EFCAB8: variants seen among roughly 807,000 people sequenced by gnomAD.
The protein encoded by EFCAB8 is EF-hand calcium binding domain 8.
Under a neutral mutation model 116.3 loss-of-function variants are expected in EFCAB8, and 100 were observed. That is an observed-to-expected ratio of 0.86 (90% CI 0.73 to 1.02). EFCAB8 has a LOEUF of 1.02. Among genes scored for constraint, EFCAB8 ranks in the 50% least tolerant of loss-of-function variants. The probability of loss-of-function intolerance (pLI) is 0.00; values close to 1 mark genes in which losing one functional copy is unlikely to be tolerated. For missense variants in EFCAB8, 1,320 were observed against 1,416.9 expected (o/e 0.93, Z 1.10); for synonymous variants, 558 against 567.9 (o/e 0.98, Z 0.25).
rs779477765 is a variant in EFCAB8 at position 32,904,900 on chromosome 20, T to TA, written c.1089-1661dup. The stretch of plus-strand genomic sequence containing the variant: ...CCTTGGTCTCCCAAAGTGCTGGGAT[T>TA]ACAGGCGTGAGCTACTGTGCCTGGC... On this transcript the variant is annotated intron_variant, in intron 11 of 26. Coordinates refer to ENST00000400522, the MANE Select transcript of EFCAB8 (RefSeq NM_001143967.2). Among the ~76,000 whole-genome samples the TA allele has an allele frequency of 3.4e-4, 51 of 152,228 alleles. 1 individual carries two copies. The highest frequency in any genetic ancestry group is 6.8e-4 in the Non-Finnish European group (46 of 68,038).
At chr20:32,872,402 G>T (rs917986554) in intron 3 of EFCAB8, among the ~76,000 whole-genome samples, 5 of 152,152 alleles carry the variant, frequency 3.3e-5, no homozygotes, top group African/African-American at 1.2e-4. Flanking sequence ...ACCAATGTTT[G>T]TTGAAGCCAG....
At chr20:32,887,479 G>A (rs1215248469) in intron 6 of EFCAB8, among the ~76,000 whole-genome samples, 3 of 152,212 alleles carry the variant, frequency 2.0e-5, no homozygotes, top group African/African-American at 7.2e-5. Context: ...GGGAGGCTGA[G>A]GCACGAGAAT....
intron 20 of EFCAB8, among the ~76,000 whole-genome samples, chr20:32,921,824 C>A (rs1987473624): frequency 7.0e-6 from 1 of 142,850 alleles, no homozygotes; most frequent in African/African-American, 2.6e-5. Context: ...TCTTTTGTTA[C>A]CTTATTCTTT....
intron 9 of EFCAB8, 65 bp downstream of exon 9, chr20:32,893,363 A>G: frequency 2.6e-6 from 4 of 1,540,038 alleles, no homozygotes; most frequent in Middle Eastern, 2.0e-4. Flanking sequence ...TGCTGAGGTC[A>G]TCCTGGTCCC....
chr20:32,878,701 C>G lies in EFCAB8; in HGVS notation c.328-3C>G. The G allele has an allele frequency of 1.3e-6, 2 of 1,551,360 alleles. No individual in the cohort carries two copies. Among genetic ancestry groups the G allele is most frequent in the Non-Finnish European group, 1.7e-6 (2 of 1,146,704 alleles). On this transcript the variant is annotated splice_region_variant and splice_polypyrimidine_tract_variant and intron_variant, in intron 4 of 26. Coordinates refer to ENST00000400522, the MANE Select transcript of EFCAB8 (RefSeq NM_001143967.2). ...GCCTCCCTTGTGCTTTCTTTCGAGG[C>G]AGCAAAAGTATGTGGATTACATGAT... is the stretch of plus-strand genomic sequence containing the variant.
intron 13 of EFCAB8, among the ~76,000 whole-genome samples, chr20:32,907,476 G>A (rs533841643): frequency 9.8e-5 from 15 of 152,330 alleles, no homozygotes; most frequent in South Asian, 2.1e-4. Context: ...CTTGGGACCC[G>A]CCACTGTGCT....
In EFCAB8 at chr20:32,957,319, A is replaced by T. The variant is rs529208079; in HGVS notation, c.2960-1102A>T. ...CATGTCATATATACAAAATAAAATT[A>T]AAAAAAAAAAACCCAAAACTTTTCT... On this transcript the variant is annotated intron_variant, in intron 23 of 26. Transcript: ENST00000400522. Among the ~76,000 whole-genome samples the T allele has an allele frequency of 2.3e-3, 295 of 127,362 alleles. 1 individual carries two copies. The highest frequency in any genetic ancestry group is 0.011 in the African/African-American group (271 of 23,866). The allele number at this position is 127,362 out of a possible 152,430, so 83.6% of individuals were successfully genotyped here.
intron 20 of EFCAB8, among the ~76,000 whole-genome samples, chr20:32,925,960 G>T (rs1273925587): frequency 5.9e-5 from 9 of 152,326 alleles, no homozygotes; most frequent in Admixed American, 3.9e-4. Context: ...TTGGTTACCT[G>T]TCCCTCGCAG....
intron 23 of EFCAB8, among the ~76,000 whole-genome samples, chr20:32,948,708 G>A (rs966634958): frequency 1.3e-5 from 2 of 151,944 alleles, no homozygotes; most frequent in African/African-American, 4.8e-5. Context: ...GATATACAAG[G>A]TTGGTTTAAT....
intron 23 of EFCAB8, among the ~76,000 whole-genome samples, chr20:32,948,254 GAAAC>G (rs1988669027): frequency 6.6e-6 from 1 of 151,996 alleles, no homozygotes. Context: ...CTCCTTGAAA[GAAAC>G]AAACTACTAA....
chr20:32,861,984 G>A (rs1168207422), intron 1 of EFCAB8, among the ~76,000 whole-genome samples: 1 of 152,072 alleles, frequency 6.6e-6, no homozygotes, highest in Admixed American at 6.6e-5. Flanking sequence ...TTCAGTGGCT[G>A]TTTCTTTCCC....
At chr20:32,928,528 C>T (rs1477163594) in intron 20 of EFCAB8, among the ~76,000 whole-genome samples, 5 of 152,328 alleles carry the variant, frequency 3.3e-5, no homozygotes, top group East Asian at 3.9e-4. Flanking sequence ...AGCCACCGCA[C>T]CCAGCCAATG....
chr20:32,924,157 G>T (rs1030457599), intron 20 of EFCAB8, among the ~76,000 whole-genome samples: 2 of 152,116 alleles, frequency 1.3e-5, no homozygotes, highest in East Asian at 3.9e-4. Flanking sequence ...AGGCTCAAGC[G>T]ATTCTCCCAC....
chr20:32,863,982 A>T, intron 2 of EFCAB8, 148 bp downstream of exon 2: 6 of 701,874 alleles, frequency 8.5e-6, no homozygotes, highest in Non-Finnish European at 8.4e-6. Context: ...ACTTAAGTGT[A>T]TTTTTTTTTT....
At chr20:32,872,564 G>T (rs1211926488) in intron 3 of EFCAB8, among the ~76,000 whole-genome samples, 1 of 152,110 alleles carries the variant, frequency 6.6e-6, no homozygotes, top group African/African-American at 2.4e-5. Context: ...AGCGAGCTGA[G>T]GTGGGTGGAT....
At chr20:32,890,560 G>A (rs796663897) in intron 7 of EFCAB8, among the ~76,000 whole-genome samples, 1 of 152,196 alleles carries the variant, frequency 6.6e-6, no homozygotes, top group African/African-American at 2.4e-5. Flanking sequence ...CTGGATGCTC[G>A]ATGACTATTG....
rs193142548 is a variant in EFCAB8, at chr20:32,861,531, C to T, written c.-10-2252C>T. Among the ~76,000 whole-genome samples, 967 of 152,230 alleles carry T rather than the reference C, an allele frequency of 6.4e-3. 13 individuals are homozygous for T. The highest frequency in any genetic ancestry group is 8.5e-3 in the Non-Finnish European group (580 of 67,998). ...CTTGAACTCCTGACATCAGGTGATC[C>T]GTCTGCCTCGGCCTCCCAAAGTGCT... is the stretch of plus-strand genomic sequence containing the variant. On this transcript the variant is annotated intron_variant, in intron 1 of 26. Transcript: ENST00000400522.
At chr20:32,956,029 T>A (rs1988955009) in intron 23 of EFCAB8, among the ~76,000 whole-genome samples, 1 of 152,198 alleles carries the variant, frequency 6.6e-6, no homozygotes, top group South Asian at 2.1e-4. Context: ...TTTCTGTTTA[T>A]CCTATCCTTG....
In EFCAB8 at chr20:32,867,573, T is replaced by C. The variant is rs1360439960; in HGVS notation, c.43-9T>C. ...GCTCAGTCCCTGGTTCTTGTTATATTCGTTCCAGCTGTCCATCCCACATGG... is the reference window on the plus strand; with the variant it reads ...GCTCAGTCCCTGGTTCTTGTTATATCCGTTCCAGCTGTCCATCCCACATGG... On this transcript the variant is annotated splice_polypyrimidine_tract_variant and intron_variant, in intron 2 of 26. Transcript: ENST00000400522. The C allele has an allele frequency of 7.1e-6, 11 of 1,550,796 alleles. No individual in the cohort carries two copies. Among genetic ancestry groups the C allele is most frequent in the Non-Finnish European group, 9.6e-6 (11 of 1,146,728 alleles).
Sources: allele counts gnomAD v4.1 joint callset (sites outside exome capture counted in the v4.1 genomes callset), GRCh38; gene constraint gnomAD v4.1.1; transcripts MANE v1.5; gene names NCBI Gene and HGNC (gene_info 2026-07-23, HGNC 2026-07-21).